Variants in PLPPR1 observed in about 807,000 individuals in gnomAD.
PLPPR1 encodes phospholipid phosphatase related 1, also known as phospholipid phosphatase-related protein type 1.
Under a neutral mutation model 33.1 loss-of-function variants are expected in PLPPR1, and 10 were observed. That is an observed-to-expected ratio of 0.30 (90% confidence interval 0.19 to 0.51). PLPPR1 has a LOEUF of 0.51. PLPPR1 is among the 20% of genes least tolerant of loss of function. The pLI is 0.97. For synonymous variants in PLPPR1, 151 were observed against 151.0 expected, an observed-to-expected ratio of 1.00 and a Z score of 0.00; for missense variants, 304 against 408.1, an observed-to-expected ratio of 0.74 and a Z score of 2.20.
intron 1 of PLPPR1, among the ~76,000 whole-genome samples, chr9:101,166,658 A>G (rs1161874847): frequency 2.0e-5 from 3 of 152,168 alleles, no homozygotes; most frequent in Non-Finnish European, 2.9e-5. Context: ...CTCCAGAAAT[A>G]TTATAGTGTT....
At chr9:101,298,515 T>C (rs7033464) in intron 4 of PLPPR1, among the ~76,000 whole-genome samples, 7,417 of 152,264 alleles carry the variant, frequency 0.049, 552 homozygotes, top group African/African-American at 0.16. Flanking sequence ...TTTTGAGAAC[T>C]AGAAAATCCT....
chr9:101,317,532 G>T, intron 7 of PLPPR1, 36 bp downstream of exon 7: 3 of 1,599,550 alleles, frequency 1.9e-6, no homozygotes, highest in African/African-American at 1.3e-5. Context: ...CAAACCCACA[G>T]GCTGAACACT....
intron 1 of PLPPR1, among the ~76,000 whole-genome samples, chr9:101,101,636 A>G (rs1412067405): frequency 6.6e-6 from 1 of 152,214 alleles, no homozygotes; most frequent in Non-Finnish European, 1.5e-5. Context: ...ATGGAATAAA[A>G]GGATGAATGA....
At chr9:101,128,526 C>A (rs1831275201) in intron 1 of PLPPR1, among the ~76,000 whole-genome samples, 2 of 152,176 alleles carry the variant, frequency 1.3e-5, no homozygotes, top group African/African-American at 4.8e-5. Flanking sequence ...TAGACCTGAA[C>A]TTTCTTGAAA....
At chr9:101,279,875 AAAC>A (rs1828265462) in intron 3 of PLPPR1, among the ~76,000 whole-genome samples, 1 of 152,200 alleles carries the variant, frequency 6.6e-6, no homozygotes, top group Non-Finnish European at 1.5e-5. Context: ...AACATCAAAC[AAAC>A]AACATAATGA....
At chr9:101,069,109 G>A (rs757370360) in intron 1 of PLPPR1, among the ~76,000 whole-genome samples, 9 of 146,378 alleles carry the variant, frequency 6.1e-5, no homozygotes, top group Non-Finnish European at 1.2e-4. Flanking sequence ...CAGGAGGAAA[G>A]CAAGAAAACA....
chr9:101,308,848 A>T (rs1396281876), intron 4 of PLPPR1, among the ~76,000 whole-genome samples: 1 of 152,180 alleles, frequency 6.6e-6, no homozygotes, highest in African/African-American at 2.4e-5. Context: ...TTTTCCCCAA[A>T]CTACCCCCTA....
intron 1 of PLPPR1, among the ~76,000 whole-genome samples, chr9:101,133,063 A>G (rs1375225583): frequency 6.6e-6 from 1 of 152,196 alleles, no homozygotes; most frequent in Non-Finnish European, 1.5e-5. Context: ...TCAAGTTCCA[A>G]TTAGGAAACT....
intron 2 of PLPPR1, among the ~76,000 whole-genome samples, chr9:101,205,761 G>T (rs1826577672): frequency 6.6e-6 from 1 of 152,120 alleles, no homozygotes; most frequent in Non-Finnish European, 1.5e-5. Flanking sequence ...TGGGCCGTAT[G>T]CCAGGCACTG....
At chr9:101,177,760 C>G (rs1036278883) in intron 1 of PLPPR1, among the ~76,000 whole-genome samples, 2 of 143,060 alleles carry the variant, frequency 1.4e-5, no homozygotes, top group African/African-American at 2.7e-5. Context: ...TTGACTATAC[C>G]CATTTTTTCT....
intron 4 of PLPPR1, among the ~76,000 whole-genome samples, chr9:101,292,152 C>G (rs1027426526): frequency 1.3e-4 from 20 of 152,048 alleles, no homozygotes; most frequent in Admixed American, 6.5e-5. Context: ...ATGCAGAAGC[C>G]TCAGGAGCCG....
chr9:101,035,464 T>C (rs1829998644), intron 1 of PLPPR1, among the ~76,000 whole-genome samples: 1 of 152,218 alleles, frequency 6.6e-6, no homozygotes, highest in African/African-American at 2.4e-5. Context: ...ATTTTTCTTT[T>C]TACCTTCAGG....
chr9:101,290,103 G>A (rs148758772), intron 4 of PLPPR1, among the ~76,000 whole-genome samples: 2,128 of 152,260 alleles, frequency 0.014, 52 homozygotes, highest in Admixed American at 0.053. Flanking sequence ...TTTTTCACAA[G>A]AAAGGGTACT....
intron 2 of PLPPR1, among the ~76,000 whole-genome samples, chr9:101,227,357 G>GAGAT (rs1277575212): frequency 6.6e-6 from 1 of 152,170 alleles, no homozygotes; most frequent in East Asian, 1.9e-4. Context: ...TGACTGACAT[G>GAGAT]AGATAGTATC....
intron 2 of PLPPR1, among the ~76,000 whole-genome samples, chr9:101,218,938 G>T (rs1826864132): frequency 6.6e-6 from 1 of 152,198 alleles, no homozygotes; most frequent in South Asian, 2.1e-4. Flanking sequence ...GTAATGAGCG[G>T]TGATAATTAA....
chr9:101,249,841 G>A (rs1370439640), intron 2 of PLPPR1, among the ~76,000 whole-genome samples: 2 of 152,026 alleles, frequency 1.3e-5, no homozygotes, highest in East Asian at 3.9e-4. Context: ...GCAAGAAAAG[G>A]TTTTGTAGCT....
At chr9:101,076,686 A>G (rs1830541544) in intron 1 of PLPPR1, among the ~76,000 whole-genome samples, 1 of 152,220 alleles carries the variant, frequency 6.6e-6, no homozygotes, top group South Asian at 2.1e-4. Flanking sequence ...GACTTTAGCA[A>G]TGGAATATAA....
rs79246277 is a variant in PLPPR1 at position 101,147,042 on chromosome 9, G to A, written c.-45-38408G>A. Among the ~76,000 whole-genome samples, 1,464 of 152,210 alleles carry A rather than the reference G, an allele frequency of 9.6e-3. 9 individuals carry two copies. The highest frequency in any genetic ancestry group is 0.02 in the Middle Eastern group (6 of 294). On this transcript the variant is annotated intron_variant, in intron 1 of 7. Coordinates refer to ENST00000374874, the MANE Select transcript of PLPPR1 (RefSeq NM_207299.2). ...AGTCACGGCTCAGCTACCTGATAAC[G>A]TTAAAACTAAACAGAAACTATATGT...
intron 2 of PLPPR1, among the ~76,000 whole-genome samples, chr9:101,195,100 T>C (rs1000528839): frequency 5.3e-5 from 8 of 152,180 alleles, no homozygotes; most frequent in Non-Finnish European, 1.0e-4. Context: ...CCTGTTGGTA[T>C]CTGCATCTCA....
Sources: gnomAD v4.1 joint callset for allele counts (sites outside exome capture counted in the v4.1 genomes callset) on GRCh38, gnomAD v4.1.1 for gene constraint, MANE v1.5 for transcripts, NCBI Gene and HGNC (gene_info 2026-07-23, HGNC 2026-07-21) for gene names.